The following MICALL1 variants were observed in gnomAD, a reference collection of about 807,000 sequenced individuals.
MICALL1 encodes the protein MICAL like 1.
In MICALL1, 61 loss-of-function variants were observed where a neutral mutation model predicts 83.7. That is an observed-to-expected ratio of 0.73 (90% CI 0.59 to 0.90). The LOEUF is 0.90. Ranked by LOEUF, MICALL1 falls within the 40% of genes least tolerant of loss-of-function variation. The pLI, the probability that MICALL1 is intolerant of heterozygous loss-of-function variation, is 0.00. For synonymous variants in MICALL1, 481 were observed against 473.6 expected, an observed-to-expected ratio of 1.02 and a Z score of -0.20; for missense variants, 1,066 against 1,152.0, an observed-to-expected ratio of 0.93 and a Z score of 1.08.
intron 3 of MICALL1, among the ~76,000 whole-genome samples, chr22:37,913,876 CTTTT>C (rs60697387): frequency 1.4e-5 from 2 of 138,708 alleles, no homozygotes; most frequent in African/African-American, 2.7e-5. Context: ...TGGCCCAACT[CTTTT>C]TTTTTTTTTT....
At chr22:37,923,080 C>T (rs1016692996) in intron 6 of MICALL1, among the ~76,000 whole-genome samples, 4 of 151,670 alleles carry the variant, frequency 2.6e-5, no homozygotes, top group Non-Finnish European at 4.4e-5. Context: ...GGATTACAGG[C>T]TACCACAGCC....
chr22:37,915,081 A>C (rs1327907682), intron 3 of MICALL1, among the ~76,000 whole-genome samples: 1 of 152,010 alleles, frequency 6.6e-6, no homozygotes, highest in Non-Finnish European at 1.5e-5. Context: ...ACCTGTCTCT[A>C]CCAAAATAAA....
rs963364629 is a variant in MICALL1, at chr22:37,940,949, G to A, written c.*119G>A. 6 of 1,293,562 alleles carry A rather than the reference G, an allele frequency of 4.6e-6. No individual in the cohort carries two copies. The highest frequency in any genetic ancestry group is 4.6e-5 in the Admixed American group (2 of 43,580). 80.1% of individuals were successfully genotyped at this position (1,293,562 alleles called of 1,614,324 possible). ...TCAGGAGGAAGATGACTAAGGGGAG[G>A]GATCCTCTGGGTGATGGCCTCTTCC... is the stretch of plus-strand genomic sequence containing the variant. On this transcript the variant is annotated 3_prime_UTR_variant, in exon 16 of 16. Transcript: ENST00000215957.
At position 37,927,330 on chromosome 22, in the gene MICALL1, G is replaced by A. The variant is rs1327949007; in HGVS notation, c.1466-81G>A. ...GGTTTCTGGGGCTGCCTGCGGCTCT[G>A]TTGAGAGTGGAGCCGGGAGGTGGGG... is the stretch of plus-strand genomic sequence containing the variant. On this transcript the variant is annotated intron_variant, in intron 8 of 15. Transcript: ENST00000215957. 9 of 1,422,672 alleles carry A rather than the reference G, an allele frequency of 6.3e-6. No individual in the cohort carries two copies. The African/African-American group carries it at 1.3e-4, about 20-fold the overall frequency. 88.1% of individuals were successfully genotyped at this position (1,422,672 alleles called of 1,614,324 possible).
intron 15 of MICALL1, 83 bp from the exon 16 acceptor site, chr22:37,940,626 C>T (rs1930383731): frequency 1.3e-6 from 2 of 1,553,864 alleles, no homozygotes; most frequent in African/African-American, 2.7e-5. Flanking sequence ...TGCCCATGCC[C>T]AGGCCTGTGT....
intron 8 of MICALL1, among the ~76,000 whole-genome samples, chr22:37,926,364 C>T (rs918289242): frequency 1.3e-5 from 2 of 152,162 alleles, no homozygotes; most frequent in African/African-American, 4.8e-5. Context: ...AACGTGCTGT[C>T]TAGTGGTGTG....
chr22:37,906,692 C>T lies in MICALL1; in HGVS notation c.146+124C>T, dbSNP rs962961371. On this transcript the variant is annotated intron_variant, in intron 1 of 15. Coordinates refer to ENST00000215957, the MANE Select transcript of MICALL1 (RefSeq NM_033386.4). This position sits in a 1 kb window ranked among gnomAD's most constrained non-coding sequence, Gnocchi z 4.4. ...CCGCCCCCGGACACGGAGACGCCGA[C>T]CCCCCCGACGGCCCCGGACGCCGGG... 2.2e-5 allele frequency: 19 copies of T among 861,526 alleles called. 1 individual carries two copies. The highest frequency in any genetic ancestry group is 4.9e-4 in the Middle Eastern group (1 of 2,024). The allele number at this position is 861,526 out of a possible 1,614,324, so 53.4% of individuals were successfully genotyped here.
intron 3 of MICALL1, among the ~76,000 whole-genome samples, chr22:37,913,243 C>T (rs571167447): frequency 7.2e-5 from 11 of 152,170 alleles, no homozygotes; most frequent in Non-Finnish European, 1.2e-4. Context: ...GGACTACAGA[C>T]GTGAGCCACT....
At chr22:37,920,883 G>A (rs541621294) in intron 5 of MICALL1, among the ~76,000 whole-genome samples, 55 of 151,854 alleles carry the variant, frequency 3.6e-4, no homozygotes, top group African/African-American at 1.1e-3. Flanking sequence ...CCGAGATCAC[G>A]CCACTGCACT....
At chr22:37,937,048 A>T (rs997016093) in intron 13 of MICALL1, 32 bp from the exon 14 acceptor site, 3 of 1,537,314 alleles carry the variant, frequency 2.0e-6, no homozygotes, top group Non-Finnish European at 2.6e-6. Context: ...CTTTCCTACC[A>T]CTCATGCCCC....
chr22:37,922,988 T>G (rs1452312801), intron 6 of MICALL1, among the ~76,000 whole-genome samples: 2 of 150,650 alleles, frequency 1.3e-5, no homozygotes, highest in African/African-American at 4.9e-5. Context: ...CAGGTTGGAG[T>G]GCAGTGGTGC....
chr22:37,927,306 G>A (rs2145925632), intron 8 of MICALL1, 105 bp from the exon 9 acceptor site: 2 of 1,334,374 alleles, frequency 1.5e-6, no homozygotes, highest in Middle Eastern at 2.7e-4. Flanking sequence ...GAGGGCTTGG[G>A]TTTCTGGGGC....
At chr22:37,931,668 A>G in intron 9 of MICALL1, 131 bp from the exon 10 acceptor site, 1 of 1,032,544 alleles carries the variant, frequency 9.7e-7, no homozygotes, top group Non-Finnish European at 1.4e-6. Flanking sequence ...ATTCAAGGAG[A>G]CTGTCTCTTT....
intron 3 of MICALL1, among the ~76,000 whole-genome samples, chr22:37,916,054 ATCTC>A (rs374325389): frequency 6.6e-6 from 1 of 151,372 alleles, no homozygotes; most frequent in Non-Finnish European, 1.5e-5. Context: ...CCAAACCTGA[ATCTC>A]TCTCTACTGA....
chr22:37,910,556 GC>G (rs1294171268), intron 1 of MICALL1, among the ~76,000 whole-genome samples: 1 of 152,162 alleles, frequency 6.6e-6, no homozygotes. Context: ...TAGGGAGGCA[GC>G]CCAGGGGAGA....
At chr22:37,919,741 A>C (rs1928909248) in intron 5 of MICALL1, among the ~76,000 whole-genome samples, 1 of 151,674 alleles carries the variant, frequency 6.6e-6, no homozygotes, top group South Asian at 2.1e-4. Flanking sequence ...TAATCCCAGC[A>C]CTTTGGGAGG....
At chr22:37,909,548 C>T (rs1030315019) in intron 1 of MICALL1, among the ~76,000 whole-genome samples, 2 of 151,476 alleles carry the variant, frequency 1.3e-5, no homozygotes, top group South Asian at 2.1e-4. Context: ...TTAGCAGAGA[C>T]GGGGTTTCAC....
intron 1 of MICALL1, among the ~76,000 whole-genome samples, chr22:37,907,694 T>C (rs1205935402): frequency 6.6e-6 from 1 of 152,214 alleles, no homozygotes; most frequent in Non-Finnish European, 1.5e-5. Context: ...GATTCCATGA[T>C]GCAGGTGCAC....
chr22:37,932,067 C>A lies in MICALL1; in HGVS notation c.2016+134C>A. The A allele has an allele frequency of 1.5e-6, 2 of 1,318,302 alleles. No individual in the cohort carries two copies. The highest frequency in any genetic ancestry group is 4.9e-5 in the East Asian group (2 of 41,176). 81.7% of individuals were successfully genotyped at this position (1,318,302 alleles called of 1,614,324 possible). On this transcript the variant is annotated intron_variant, in intron 10 of 15. Coordinates refer to ENST00000215957, the MANE Select transcript of MICALL1 (RefSeq NM_033386.4). This position sits in a 1 kb window ranked among gnomAD's most constrained non-coding sequence, Gnocchi z 4.4. ...GGCCTCAGATGCTCAAGAGAGCACT[C>A]TTGGCGGCCCAACTGGAAGGTCTAG... is the stretch of plus-strand genomic sequence containing the variant.
Sources: allele counts gnomAD v4.1 joint callset (sites outside exome capture counted in the v4.1 genomes callset), GRCh38; gene constraint gnomAD v4.1.1; non-coding constraint Gnocchi (gnomAD v3.1); transcripts MANE v1.5; gene names NCBI Gene and HGNC (gene_info 2026-07-23, HGNC 2026-07-21).